Variants in SMIM19 observed in about 807,000 individuals in gnomAD.
SMIM19 encodes UPF0697 protein C8orf40.
SMIM19 carries 6 observed loss-of-function variants against 13.2 expected under a neutral mutation model. The ratio of observed to expected loss-of-function variants is 0.45; its 90% confidence interval spans 0.25 to 0.90. The LOEUF is 0.90. Ranked by LOEUF, SMIM19 falls within the 40% of genes least tolerant of loss-of-function variation. The pLI is 0.19. For synonymous variants in SMIM19, 46 were observed against 43.1 expected (o/e 1.07, Z -0.27); for missense variants, 138 against 131.0 (o/e 1.05, Z -0.26).
In SMIM19 at chr8:42,544,428, A is replaced by AAAATGCC. The variant is rs1318721752; in HGVS notation, c.-4-2029_-4-2023dup. Reference sequence around the variant, plus strand: ...TCTGTCTCAGGGAAAAAAAAAAAAAAAAATGCCAAATGCCAAATACCTCTG... The same window carrying AAAATGCC: ...TCTGTCTCAGGGAAAAAAAAAAAAAAAAATGCCAAATGCCAAATGCCAAATACCTCTG... On this transcript the variant is annotated intron_variant, in intron 1 of 3. Coordinates refer to ENST00000417410, the MANE Select transcript of SMIM19 (RefSeq NM_001135674.2). 7.7e-3 allele frequency among the ~76,000 whole-genome samples: 1,172 copies of AAAATGCC among 152,034 alleles called. 9 individuals are homozygous for AAAATGCC. Among genetic ancestry groups the AAAATGCC allele is most frequent in the Non-Finnish European group, 0.013 (866 of 67,944 alleles).
Position 42,552,807 on chromosome 8 carries a change from A to G in SMIM19, c.*199A>G. 1 of 572,158 alleles carries G rather than the reference A, an allele frequency of 1.7e-6. No individual in the cohort carries two copies. The highest frequency in any genetic ancestry group is 2.4e-5 in the South Asian group (1 of 41,890). The allele number at this position is 572,158 out of a possible 1,614,324, so 35.4% of individuals were successfully genotyped here. Reference sequence around the variant, plus strand: ...AAAGGCCTTGACACAGGGAACCTGCACATATCCAGGATATGTGTAACCAGC... The same window carrying G: ...AAAGGCCTTGACACAGGGAACCTGCGCATATCCAGGATATGTGTAACCAGC... On this transcript the variant is annotated 3_prime_UTR_variant, in exon 4 of 4. Transcript: ENST00000417410.
chr8:42,546,347 G>A, intron 1 of SMIM19, 122 bp from the exon 2 acceptor site: 1 of 1,139,778 alleles, frequency 8.8e-7, no homozygotes, highest in Non-Finnish European at 1.2e-6. Flanking sequence ...TTGGCTCATG[G>A]GCCGCACACA....
intron 1 of SMIM19, among the ~76,000 whole-genome samples, chr8:42,545,498 A>T (rs1813447600): frequency 6.6e-6 from 1 of 152,008 alleles, no homozygotes. Flanking sequence ...GCTGTGCAAC[A>T]CTTTTGTAGC....
intron 3 of SMIM19, 78 bp downstream of exon 3, chr8:42,548,858 AT>A: frequency 7.0e-7 from 1 of 1,425,172 alleles, no homozygotes; most frequent in Non-Finnish European, 9.4e-7. Flanking sequence ...ATTTAGCAAA[AT>A]GTTATTAGAA....
chr8:42,555,011 G>A lies in SMIM19; in HGVS notation c.*2403G>A, dbSNP rs1484253328. 3 of 152,232 alleles carry A rather than the reference G, an allele frequency of 2.0e-5. No homozygotes were observed. The highest frequency in any genetic ancestry group is 7.2e-5 in the African/African-American group (3 of 41,532). 9.4% of individuals were successfully genotyped at this position (152,232 alleles called of 1,614,324 possible). On this transcript the variant is annotated 3_prime_UTR_variant, in exon 4 of 4. Coordinates refer to ENST00000417410, the MANE Select transcript of SMIM19 (RefSeq NM_001135674.2). ...TTGCTGTTGACCTCACGCTGTGTCT[G>A]GTTGAGTTATTCATGATTCATCAGA...
At chr8:42,546,881 G>C (rs1813509164) in intron 2 of SMIM19, among the ~76,000 whole-genome samples, 1 of 151,458 alleles carries the variant, frequency 6.6e-6, no homozygotes, top group African/African-American at 2.4e-5. Flanking sequence ...TACTTGGGCG[G>C]CTGAGACAGG....
At chr8:42,548,121 C>T (rs1415693152) in intron 2 of SMIM19, among the ~76,000 whole-genome samples, 4 of 152,152 alleles carry the variant, frequency 2.6e-5, no homozygotes, top group South Asian at 2.1e-4. Context: ...GGCAGGTGAC[C>T]GCTTTCCTCT....
Position 42,554,473 on chromosome 8 carries a change from C to T in SMIM19, c.*1865C>T, listed in dbSNP as rs1354543997. 4.6e-5 allele frequency: 7 copies of T among 152,206 alleles called. No individual in the cohort carries two copies. Among genetic ancestry groups the T allele is most frequent in the Non-Finnish European group, 1.0e-4 (7 of 68,034 alleles). 9.4% of individuals were successfully genotyped at this position (152,206 alleles called of 1,614,324 possible). On this transcript the variant is annotated 3_prime_UTR_variant, in exon 4 of 4. Coordinates refer to ENST00000417410, the MANE Select transcript of SMIM19 (RefSeq NM_001135674.2). Reference sequence around the variant, plus strand: ...TAAACGTAAGTCACACAATGAATTTCCTTTGTGTCCACTAGATAGAGATGG... The same window carrying T: ...TAAACGTAAGTCACACAATGAATTTTCTTTGTGTCCACTAGATAGAGATGG...
At position 42,541,599 on chromosome 8, in the gene SMIM19, TC is replaced by T. The variant is rs1262322643; in HGVS notation, c.-777del. On this transcript the variant is annotated 5_prime_UTR_variant, in exon 1 of 4. Coordinates refer to ENST00000417410, the MANE Select transcript of SMIM19 (RefSeq NM_001135674.2). ...CAGGAAATGACGAAGGCAGAGGGCG[TC>T]CAGGTCCGCTCGGTAACCGTTTCCC... The T allele has an allele frequency of 6.8e-6, 1 of 147,992 alleles. No homozygotes were observed. Among genetic ancestry groups the T allele is most frequent in the Admixed American group, 6.7e-5 (1 of 15,026 alleles). The allele number at this position is 147,992 out of a possible 1,614,324, so 9.2% of individuals were successfully genotyped here. A position where few individuals can be genotyped will look rare whatever the true frequency, so the allele number is the denominator to read the frequency against.
Position 42,553,101 on chromosome 8 carries a change from G to T in SMIM19, c.*493G>T, listed in dbSNP as rs1169322686. 1 of 145,238 alleles carries T rather than the reference G, an allele frequency of 6.9e-6. No individual in the cohort carries two copies. The highest frequency in any genetic ancestry group is 1.5e-5 in the Non-Finnish European group (1 of 67,606). The allele number at this position is 145,238 out of a possible 1,614,324, so 9.0% of individuals were successfully genotyped here. ...CAGAGTCTGTTGCCCAGACTGGAGT[G>T]CAGTGGCACAATCTCTGCTCACTGC... On this transcript the variant is annotated 3_prime_UTR_variant, in exon 4 of 4. Coordinates refer to ENST00000417410, the MANE Select transcript of SMIM19 (RefSeq NM_001135674.2).
Position 42,541,637 on chromosome 8 carries a change from C to T in SMIM19, c.-741C>T, listed in dbSNP as rs1192583027. The T allele has an allele frequency of 6.7e-6, 1 of 150,112 alleles. No individual in the cohort carries two copies. The highest frequency in any genetic ancestry group is 2.4e-5 in the African/African-American group (1 of 41,238). 9.3% of individuals were successfully genotyped at this position (150,112 alleles called of 1,614,324 possible). ...GGTAACCGTTTCCCGCGCGCCCGGCCCCGACTCCGGGGTAAAGAGCCCCGG... is the reference window on the plus strand; with the variant it reads ...GGTAACCGTTTCCCGCGCGCCCGGCTCCGACTCCGGGGTAAAGAGCCCCGG... On this transcript the variant is annotated 5_prime_UTR_variant, in exon 1 of 4. Coordinates refer to ENST00000417410, the MANE Select transcript of SMIM19 (RefSeq NM_001135674.2).
At chr8:42,546,103 G>A (rs556316617) in intron 1 of SMIM19, among the ~76,000 whole-genome samples, 13 of 152,132 alleles carry the variant, frequency 8.5e-5, no homozygotes, top group Non-Finnish European at 1.8e-4. Context: ...GCATAGTATT[G>A]CATATAACCT....
chr8:42,541,305 C>A (rs1169331323), upstream of SMIM19: 4 of 149,164 alleles, frequency 2.7e-5, no homozygotes, highest in Non-Finnish European at 6.0e-5. Context: ...CGCAACCCGC[C>A]GCCGCCGCGA....
In SMIM19 at chr8:42,552,576, C is replaced by G; in HGVS notation, c.292C>G (p.Gln98Glu). 6.2e-7 allele frequency: 1 copy of G among 1,613,944 alleles called. No individual in the cohort carries two copies. Among genetic ancestry groups the G allele is most frequent in the Non-Finnish European group, 8.5e-7 (1 of 1,179,934 alleles). ...GTACGACTATCAGCAGCCACAAAAC[C>G]AAGCTGACAGTGTGCAACTCTCATT... The part of the protein sequence containing the change: ...RKYDYQQPQN[Q>E]ADSVQLSLE Residue 98 changes from glutamine (Q) to glutamate (E), a missense_variant, in exon 4 of 4, where the codon CAA becomes GAA. Physicochemically the swap from Gln to Glu is conservative, Grantham distance 29. Coordinates refer to ENST00000417410, the MANE Select transcript of SMIM19 (RefSeq NM_001135674.2).
intron 1 of SMIM19, among the ~76,000 whole-genome samples, chr8:42,544,666 A>C (rs1220718897): frequency 6.6e-6 from 1 of 152,204 alleles, no homozygotes; most frequent in Admixed American, 6.5e-5. Context: ...CCTCAGTGTG[A>C]AGAGTTGAAG....
chr8:42,545,001 CTTT>C (rs1813428551), intron 1 of SMIM19, among the ~76,000 whole-genome samples: 1 of 152,202 alleles, frequency 6.6e-6, no homozygotes, highest in Non-Finnish European at 1.5e-5. Flanking sequence ...CACCAAACAA[CTTT>C]TTAGACTGTT....
chr8:42,549,458 C>G (rs1053806753), intron 3 of SMIM19, among the ~76,000 whole-genome samples: 2 of 151,692 alleles, frequency 1.3e-5, no homozygotes, highest in Non-Finnish European at 1.5e-5. Context: ...CATGGATGAA[C>G]CTTGAAGACA....
rs1054495983 is a variant in SMIM19 at position 42,546,287 on chromosome 8, G to A, written c.-4-182G>A. The A allele has an allele frequency of 2.6e-5, 15 of 568,368 alleles. No individual in the cohort carries two copies. In the South Asian group the frequency reaches 6.4e-4, roughly 24 times the overall value. 35.2% of individuals were successfully genotyped at this position (568,368 alleles called of 1,614,324 possible). Reference sequence around the variant, plus strand: ...GGATGCAGAACCGTCAGATAGAGAGGGCCAACTGCACCATTTAAAATGTGC... The same window carrying A: ...GGATGCAGAACCGTCAGATAGAGAGAGCCAACTGCACCATTTAAAATGTGC... On this transcript the variant is annotated intron_variant, in intron 1 of 3. Coordinates refer to ENST00000417410, the MANE Select transcript of SMIM19 (RefSeq NM_001135674.2).
intron 1 of SMIM19, among the ~76,000 whole-genome samples, chr8:42,542,678 C>T (rs188599034): frequency 7.2e-5 from 11 of 152,080 alleles, no homozygotes; most frequent in Non-Finnish European, 1.3e-4. Context: ...AAGTAGTTCT[C>T]GGCTGGGCAC....
Sources: gnomAD v4.1 joint callset for allele counts (sites outside exome capture counted in the v4.1 genomes callset) on GRCh38, gnomAD v4.1.1 for gene constraint, MANE v1.5 for transcripts, NCBI Gene and HGNC (gene_info 2026-07-23, HGNC 2026-07-21) for gene names.